The following PLEKHA5 variants were observed in gnomAD, a reference collection of about 807,000 sequenced individuals.
The protein encoded by PLEKHA5 is pleckstrin homology domain-containing family A member 5.
A neutral mutation model predicts 181.9 loss-of-function variants in PLEKHA5; 55 were observed. The observed-to-expected ratio is 0.30, with a 90% CI of 0.24 to 0.38. PLEKHA5 has a LOEUF of 0.38. Among genes scored for constraint, PLEKHA5 ranks in the 10% least tolerant of loss-of-function variants. PLEKHA5 has a pLI of 1.00. For synonymous variants in PLEKHA5, 535 were observed against 529.4 expected (o/e 1.01, Z -0.15); for missense variants, 1,432 against 1,549.5 (o/e 0.92, Z 1.27).
intron 3 of PLEKHA5, among the ~76,000 whole-genome samples, chr12:19,138,955 A>G (rs2036498417): frequency 1.3e-5 from 2 of 152,044 alleles, no homozygotes; most frequent in South Asian, 4.1e-4. Flanking sequence ...GTATAGCGTT[A>G]ATTATGCAAC....
intron 13 of PLEKHA5, among the ~76,000 whole-genome samples, 156 bp downstream of exon 13, chr12:19,287,712 T>A (rs2077516536): frequency 6.6e-6 from 1 of 152,210 alleles, no homozygotes; most frequent in Admixed American, 6.5e-5. Context: ...GAATTTGAAA[T>A]CATGTAGCCA....
At chr12:19,293,360 G>T (rs1306844420) in intron 15 of PLEKHA5, among the ~76,000 whole-genome samples, 1 of 151,988 alleles carries the variant, frequency 6.6e-6, no homozygotes, top group Admixed American at 6.6e-5. Context: ...ATTTTCATCA[G>T]CATTTTGGCC....
At position 19,257,541 on chromosome 12, in the gene PLEKHA5, T is replaced by A. The variant is rs1592228558; in HGVS notation, c.537+4T>A. 1.8e-5 allele frequency: 5 copies of A among 283,338 alleles called. No homozygotes were observed. The highest frequency in any genetic ancestry group is 1.1e-4 in the East Asian group (1 of 9,028). The allele number at this position is 283,338 out of a possible 1,614,324, so 17.6% of individuals were successfully genotyped here. A position where few individuals can be genotyped will look rare whatever the true frequency, so the allele number is the denominator to read the frequency against. On this transcript the variant is annotated splice_donor_region_variant and intron_variant, in intron 6 of 31. Coordinates refer to ENST00000429027, the MANE Select transcript of PLEKHA5 (RefSeq NM_001256470.2). ...ACGAGGTTGGCTTTATAAACAGGTA[T>A]TTTTTTTTTTTTGATATGAAACAAA...
At chr12:19,261,085 C>T in intron 7 of PLEKHA5, 64 bp downstream of exon 7, 1 of 849,744 alleles carries the variant, frequency 1.2e-6, no homozygotes, top group Non-Finnish European at 1.9e-6. Context: ...AGTTAAGTAT[C>T]AGATACTTTA....
At chr12:19,350,598 A>C (rs1463918736) in intron 25 of PLEKHA5, among the ~76,000 whole-genome samples, 1 of 152,206 alleles carries the variant, frequency 6.6e-6, no homozygotes, top group Non-Finnish European at 1.5e-5. Context: ...GCGAAGCCCC[A>C]TCTCTACTAA....
chr12:19,264,601 A>G (rs1042892196), intron 7 of PLEKHA5, among the ~76,000 whole-genome samples: 9 of 152,158 alleles, frequency 5.9e-5, no homozygotes, highest in Non-Finnish European at 1.2e-4. Flanking sequence ...TTTACGCATT[A>G]ACGAATCGTA....
intron 20 of PLEKHA5, among the ~76,000 whole-genome samples, chr12:19,329,169 G>A (rs1463894673): frequency 6.6e-6 from 1 of 152,110 alleles, no homozygotes; most frequent in Non-Finnish European, 1.5e-5. Context: ...AACCAATCTT[G>A]CATCTTAGAA....
At chr12:19,164,077 A>G (rs1039061482) in intron 3 of PLEKHA5, among the ~76,000 whole-genome samples, 1 of 151,396 alleles carries the variant, frequency 6.6e-6, no homozygotes, top group Admixed American at 6.6e-5. Flanking sequence ...CACTCTTTTC[A>G]CTTTGTTTTA....
intron 20 of PLEKHA5, among the ~76,000 whole-genome samples, chr12:19,329,827 A>T (rs1239512015): frequency 1.3e-5 from 2 of 152,000 alleles, no homozygotes; most frequent in Admixed American, 1.3e-4. Context: ...TTGTAATCCT[A>T]GCACTTTGGG....
At chr12:19,245,599 G>A (rs1264032029) in intron 3 of PLEKHA5, among the ~76,000 whole-genome samples, 1 of 151,588 alleles carries the variant, frequency 6.6e-6, no homozygotes, top group Admixed American at 6.6e-5. Context: ...GTGGTGGCAG[G>A]CGCCTGTAAT....
rs544618473 is a variant in PLEKHA5 at position 19,158,301 on chromosome 12, C to T, written c.227+25851C>T. Among the ~76,000 whole-genome samples, 460 of 151,768 alleles carry T rather than the reference C, an allele frequency of 3.0e-3. 2 individuals are homozygous for T. The highest frequency in any genetic ancestry group is 9.8e-3 in the African/African-American group (405 of 41,348). ...CCAGGAGGTGGAGCTTGCAGTGAGC[C>T]GAGATCGCACCACTGCACTCCAGCC... On this transcript the variant is annotated intron_variant, in intron 3 of 31. Transcript: ENST00000429027.
At chr12:19,191,021 C>T (rs1423232292) in intron 3 of PLEKHA5, among the ~76,000 whole-genome samples, 2 of 152,092 alleles carry the variant, frequency 1.3e-5, no homozygotes, top group Non-Finnish European at 2.9e-5. Flanking sequence ...TATTTTATGT[C>T]ATTTATTTTA....
At chr12:19,225,486 C>G (rs1314339275) in intron 3 of PLEKHA5, among the ~76,000 whole-genome samples, 1 of 152,092 alleles carries the variant, frequency 6.6e-6, no homozygotes, top group Non-Finnish European at 1.5e-5. Flanking sequence ...ATTTGCAGTT[C>G]TTGCTTATTA....
At chr12:19,307,902 C>T (rs925996122) in intron 15 of PLEKHA5, among the ~76,000 whole-genome samples, 1 of 151,648 alleles carries the variant, frequency 6.6e-6, no homozygotes, top group African/African-American at 2.4e-5. Context: ...AAAATTGTCT[C>T]TCTCACCATC....
At chr12:19,300,594 C>CCCACAT (rs1178377913) in intron 15 of PLEKHA5, among the ~76,000 whole-genome samples, 1 of 152,102 alleles carries the variant, frequency 6.6e-6, no homozygotes, top group Non-Finnish European at 1.5e-5. Context: ...CAAAGATAAG[C>CCCACAT]CATGATGCTA....
intron 11 of PLEKHA5, among the ~76,000 whole-genome samples, chr12:19,279,546 A>C (rs1167395468): frequency 1.3e-5 from 2 of 151,868 alleles, no homozygotes; most frequent in Non-Finnish European, 2.9e-5. Flanking sequence ...ACCTGTAATC[A>C]CAGCTACTCG....
chr12:19,159,521 T>C (rs897520847), intron 3 of PLEKHA5, among the ~76,000 whole-genome samples: 2 of 152,210 alleles, frequency 1.3e-5, no homozygotes, highest in African/African-American at 2.4e-5. Flanking sequence ...TACAGACTTA[T>C]AGTTTTAACT....
chr12:19,190,308 T>C (rs970633736), intron 3 of PLEKHA5, among the ~76,000 whole-genome samples: 36 of 152,338 alleles, frequency 2.4e-4, no homozygotes, highest in African/African-American at 8.4e-4. Flanking sequence ...AACAAGTAAA[T>C]GAATTATCAG....
chr12:19,299,846 T>C (rs1245948695), intron 15 of PLEKHA5, among the ~76,000 whole-genome samples: 1 of 152,178 alleles, frequency 6.6e-6, no homozygotes, highest in Non-Finnish European at 1.5e-5. Context: ...TCAGGAAATG[T>C]CACAGACTCC....
Sources: gnomAD v4.1 joint callset for allele counts (sites outside exome capture counted in the v4.1 genomes callset) on GRCh38, gnomAD v4.1.1 for gene constraint, MANE v1.5 for transcripts, NCBI Gene and HGNC (gene_info 2026-07-23, HGNC 2026-07-21) for gene names.